NECTIN1: variants seen among roughly 807,000 people sequenced by gnomAD.
NECTIN1 encodes nectin-1.
Under a neutral mutation model 48.0 loss-of-function variants are expected in NECTIN1, and 23 were observed. The ratio of observed to expected loss-of-function variants is 0.48; its 90% confidence interval spans 0.34 to 0.68. The LOEUF is 0.68. NECTIN1 is among the 30% of genes least tolerant of loss of function. The pLI is 0.01. For missense variants in NECTIN1, 591 were observed against 709.9 expected, an observed-to-expected ratio of 0.83 and a Z score of 1.90; for synonymous variants, 270 against 288.9, an observed-to-expected ratio of 0.93 and a Z score of 0.66.
chr11:119,708,129 C>T (rs1041142701), intron 1 of NECTIN1, among the ~76,000 whole-genome samples: 13 of 152,062 alleles, frequency 8.5e-5, no homozygotes, highest in East Asian at 7.7e-4. Flanking sequence ...CTGAAGGTGA[C>T]GGAGGCGCCA....
rs1565376357 is a variant in NECTIN1, at chr11:119,648,263, T to TGGTGGTGGTGGTGGTGGTGGTGGTG, written c.1004-8252_1004-8251insCACCACCACCACCACCACCACCACC. Among the ~76,000 whole-genome samples the TGGTGGTGGTGGTGGTGGTGGTGGTG allele has an allele frequency of 2.5e-4, 11 of 44,822 alleles. 3 individuals are homozygous for TGGTGGTGGTGGTGGTGGTGGTGGTG. Among genetic ancestry groups the TGGTGGTGGTGGTGGTGGTGGTGGTG allele is most frequent in the Admixed American group, 3.7e-4 (1 of 2,680 alleles). The allele number at this position is 44,822 out of a possible 152,430, so 29.4% of individuals were successfully genotyped here. A position where few individuals can be genotyped will look rare whatever the true frequency, so the allele number is the denominator to read the frequency against. On this transcript the variant is annotated intron_variant, in intron 5 of 7. Transcript: ENST00000341398. ...ATAGTGGTGGTGATAGAGGTGGTAATAGTGGTGGTGGTGATGGTGGTGGTG... is the reference window on the plus strand; with the variant it reads ...ATAGTGGTGGTGATAGAGGTGGTAATGGTGGTGGTGGTGGTGGTGGTGGTGAGTGGTGGTGGTGATGGTGGTGGTG...
chr11:119,697,376 A>T (rs1865359722), intron 1 of NECTIN1, among the ~76,000 whole-genome samples: 3 of 152,184 alleles, frequency 2.0e-5, no homozygotes, highest in Admixed American at 2.0e-4. Context: ...GGCATTTCAC[A>T]GCAACTTTTC....
At chr11:119,671,647 C>A (rs1864863223) in intron 5 of NECTIN1, among the ~76,000 whole-genome samples, 2 of 152,164 alleles carry the variant, frequency 1.3e-5, no homozygotes, top group Non-Finnish European at 2.9e-5. Context: ...CAGATTAGGC[C>A]TGGAAGCTGC....
chr11:119,654,089 T>A (rs1864531451), intron 5 of NECTIN1: 1 of 152,210 alleles, frequency 6.6e-6, no homozygotes. Flanking sequence ...TGCCACCGGC[T>A]GAAATGCTGA....
At chr11:119,728,365 A>G (rs1760081610) in intron 1 of NECTIN1, 110 bp downstream of exon 1, 1 of 1,127,124 alleles carries the variant, frequency 8.9e-7, no homozygotes, top group Non-Finnish European at 1.3e-6. Context: ...CCGTGACCCA[A>G]CTTTTCTGGC....
At position 119,640,142 on chromosome 11, in the gene NECTIN1, C is replaced by A. The variant is rs1348506458; in HGVS notation, c.1004-130G>T. 109 of 1,000,772 alleles carry A rather than the reference C, an allele frequency of 1.1e-4. 3 individuals are homozygous for A. The highest frequency in any genetic ancestry group is 9.7e-4 in the South Asian group (68 of 70,336). 62.0% of individuals were successfully genotyped at this position (1,000,772 alleles called of 1,614,324 possible). ...GACATTGCACCCCCAGCTCCCCTCC[C>A]CATGGTGCTCCAGTTCTAGGAGGGG... On this transcript the variant is annotated intron_variant, in intron 5 of 7. Coordinates refer to the NECTIN1 transcript ENST00000341398.
At chr11:119,688,706 T>G (rs1865203439) in intron 1 of NECTIN1, among the ~76,000 whole-genome samples, 1 of 151,680 alleles carries the variant, frequency 6.6e-6, no homozygotes, top group Admixed American at 6.6e-5. Flanking sequence ...GTGGGAAACA[T>G]AGTTGGGGGG....
rs559118569 is a variant in NECTIN1 at position 119,672,876 on chromosome 11, C to T, written c.1003+2283G>A. ...AAGAAGCCATGCCAAAGCGAGTCTGCGCAGGTGTGCAGTGGCCCAGCACAC... is the reference window on the plus strand; with the variant it reads ...AAGAAGCCATGCCAAAGCGAGTCTGTGCAGGTGTGCAGTGGCCCAGCACAC... On this transcript the variant is annotated intron_variant, in intron 5 of 5. Transcript: ENST00000264025. This position sits in a 1 kb window ranked among gnomAD's most constrained non-coding sequence, Gnocchi z 4.3. Among the ~76,000 whole-genome samples, 5 of 152,232 alleles carry T rather than the reference C, an allele frequency of 3.3e-5. No homozygotes were observed. The highest frequency in any genetic ancestry group is 2.1e-4 in the South Asian group (1 of 4,828).
intron 1 of NECTIN1, among the ~76,000 whole-genome samples, chr11:119,725,458 G>T (rs2134349798): frequency 6.6e-6 from 1 of 152,268 alleles, no homozygotes; most frequent in East Asian, 1.9e-4. Flanking sequence ...CTCCAGCCTT[G>T]ACTACGGAGG....
chr11:119,719,060 G>A (rs1179788922), intron 1 of NECTIN1, among the ~76,000 whole-genome samples: 1 of 152,146 alleles, frequency 6.6e-6, no homozygotes, highest in Non-Finnish European at 1.5e-5. Context: ...ACTGCCTTTG[G>A]ATTGCGACCC....
intron 1 of NECTIN1, among the ~76,000 whole-genome samples, chr11:119,715,994 C>T (rs1865737686): frequency 6.6e-6 from 1 of 152,210 alleles, no homozygotes; most frequent in South Asian, 2.1e-4. Flanking sequence ...AACCTGTCTG[C>T]CTCTCCCACA....
chr11:119,647,047 G>A (rs986891279), intron 5 of NECTIN1, among the ~76,000 whole-genome samples: 8 of 152,106 alleles, frequency 5.3e-5, no homozygotes, highest in African/African-American at 1.9e-4. Flanking sequence ...GGCCTTTCTC[G>A]TGCTGGCTCT....
intron 5 of NECTIN1, among the ~76,000 whole-genome samples, chr11:119,670,363 A>G (rs1265151246): frequency 2.6e-5 from 4 of 152,206 alleles, no homozygotes. Context: ...TCATGGATTT[A>G]TACCAAGCAC....
At chr11:119,700,838 T>G (rs1865438505) in intron 1 of NECTIN1, among the ~76,000 whole-genome samples, 1 of 152,158 alleles carries the variant, frequency 6.6e-6, no homozygotes, top group Non-Finnish European at 1.5e-5. Context: ...GGGGGGTATA[T>G]GAGAAAAGGC....
At chr11:119,689,535 T>C (rs1038207011) in intron 1 of NECTIN1, among the ~76,000 whole-genome samples, 1 of 152,186 alleles carries the variant, frequency 6.6e-6, no homozygotes, top group Admixed American at 6.5e-5. Context: ...TGAGGGACTA[T>C]CGGTTCAGGC....
At chr11:119,710,903 CATA>C (rs1327037986) in intron 1 of NECTIN1, among the ~76,000 whole-genome samples, 1 of 152,184 alleles carries the variant, frequency 6.6e-6, no homozygotes, top group Non-Finnish European at 1.5e-5. Flanking sequence ...TTCACACACA[CATA>C]ACCGCAGACC....
Position 119,673,398 on chromosome 11 carries a change from G to C in NECTIN1, c.1003+1761C>G, listed in dbSNP as rs1035667495. Among the ~76,000 whole-genome samples, 24 of 152,272 alleles carry C rather than the reference G, an allele frequency of 1.6e-4. No homozygotes were observed. The highest frequency in any genetic ancestry group is 3.2e-4 in the Non-Finnish European group (22 of 68,002). The stretch of plus-strand genomic sequence containing the variant: ...AGAGCCATGTTGTGTCCCTCTTCCA[G>C]CTGGGACCCTAGGTGGCCCGGCCCT... On this transcript the variant is annotated intron_variant, in intron 5 of 5. Transcript: ENST00000264025. This position sits in a 1 kb window ranked among gnomAD's most constrained non-coding sequence, Gnocchi z 5.8.
At chr11:119,713,994 G>A in intron 1 of NECTIN1, 1 of 386,282 alleles carries the variant, frequency 2.6e-6, no homozygotes, top group South Asian at 1.9e-5. Context: ...ACCCTGAGTG[G>A]CCCCCCCCTT....
At chr11:119,676,183 T>C (rs1176466532) in intron 4 of NECTIN1, among the ~76,000 whole-genome samples, 1 of 152,164 alleles carries the variant, frequency 6.6e-6, no homozygotes, top group African/African-American at 2.4e-5. Flanking sequence ...CACAGGACCT[T>C]TTCATGTGGG....
Sources: allele counts gnomAD v4.1 joint callset (sites outside exome capture counted in the v4.1 genomes callset), GRCh38; gene constraint gnomAD v4.1.1; non-coding constraint Gnocchi (gnomAD v3.1); transcripts MANE v1.5; gene names NCBI Gene and HGNC (gene_info 2026-07-23, HGNC 2026-07-21).